TDRD1: variants seen among roughly 807,000 people sequenced by gnomAD.
TDRD1 encodes tudor domain containing 1, also known as tudor domain-containing protein 1.
In TDRD1, 37 loss-of-function variants were observed where a neutral mutation model predicts 140.6. The ratio of observed to expected loss-of-function variants is 0.26; its 90% CI spans 0.20 to 0.35. The LOEUF (loss-of-function observed/expected upper bound fraction) is 0.35, where lower values mean the gene tolerates loss of function less well. Ranked by LOEUF, TDRD1 falls within the 10% of genes least tolerant of loss-of-function variation. The pLI is 1.00. For synonymous variants in TDRD1, 506 were observed against 475.7 expected (o/e 1.06, Z -0.83); for missense variants, 1,243 against 1,393.0 (o/e 0.89, Z 1.71).
intron 8 of TDRD1, among the ~76,000 whole-genome samples, 174 bp from the exon 9 acceptor site, chr10:114,203,899 G>C (rs1339236444): frequency 6.6e-6 from 1 of 152,206 alleles, no homozygotes; most frequent in Non-Finnish European, 1.5e-5. Context: ...GTCCTAACTA[G>C]ACAATTTTAG....
intron 25 of TDRD1, among the ~76,000 whole-genome samples, chr10:114,230,837 G>C (rs747721152): frequency 3.3e-5 from 5 of 152,126 alleles, no homozygotes; most frequent in Non-Finnish European, 7.4e-5. Flanking sequence ...GCTGAGGAGG[G>C]CAGGTCACAT....
At chr10:114,201,147 C>T (rs1057136077) in intron 4 of TDRD1, among the ~76,000 whole-genome samples, 1 of 152,102 alleles carries the variant, frequency 6.6e-6, no homozygotes, top group Non-Finnish European at 1.5e-5. Flanking sequence ...TGAGCCACTG[C>T]ACCTGGCCGC....
At chr10:114,175,951 A>G (rs2032686014), upstream of TDRD1, among the ~76,000 whole-genome samples, 1 of 152,194 alleles carries the variant, frequency 6.6e-6, no homozygotes. Flanking sequence ...ACTGAATGTC[A>G]ATCAAATAGT....
Position 114,206,259 on chromosome 10 carries a change from A to G in TDRD1, c.1313A>G (p.His438Arg), listed in dbSNP as rs140083082. 25 of 1,613,428 alleles carry G rather than the reference A, an allele frequency of 1.5e-5. No individual in the cohort carries two copies. The highest frequency in any genetic ancestry group is 2.2e-5 in the South Asian group (2 of 91,050). ...CACTTTTTAGGAAAACTTTTAGACC[A>G]TGTGCTTATAGAAATGGGATATGGC... The change falls in exon 11 of 26, where the codon CAT (histidine) becomes CGT (arginine). Residue 438 changes from histidine (H) to arginine (R), a missense_variant. By Grantham distance (29) the His-to-Arg change is conservative. Transcript: ENST00000251864.
chr10:114,182,289 G>C (rs1188310654), intron 1 of TDRD1, among the ~76,000 whole-genome samples: 1 of 152,210 alleles, frequency 6.6e-6, no homozygotes, highest in Non-Finnish European at 1.5e-5. Context: ...CGAATGAAAG[G>C]AAACAAGAAG....
chr10:114,180,156 G>A (rs1419743623), intron 1 of TDRD1: 3 of 152,168 alleles, frequency 2.0e-5, no homozygotes, highest in African/African-American at 7.2e-5. Context: ...GGTTCCACAG[G>A]AATGGAAGAA....
In TDRD1 at chr10:114,188,028, A is replaced by G. The variant is rs1337738117; in HGVS notation, c.197A>G (p.Asn66Ser). The G allele has an allele frequency of 6.8e-6, 11 of 1,614,022 alleles. No individual in the cohort carries two copies. The Admixed American group carries it at 1.8e-4, about 27-fold the overall frequency. The change falls in exon 2 of 26, where the codon AAT becomes AGT. Residue 66 changes from asparagine to serine, a missense_variant. Physicochemically the swap from Asn to Ser is conservative, Grantham distance 46 (BLOSUM62 1). This residue lies in a region of TDRD1 where 237 missense variants were observed against 215.5 expected (regional missense o/e 1.10). Coordinates refer to ENST00000251864, the Ensembl canonical transcript of TDRD1. ...TCAGAGAATGGAAATAAAAAGAACA[A>G]TTTTTTGCTTTGTGAGCAAACCAAA... is the stretch of plus-strand genomic sequence containing the variant.
upstream of TDRD1, among the ~76,000 whole-genome samples, chr10:114,176,288 TG>T (rs1403787791): frequency 4.9e-5 from 7 of 143,978 alleles, no homozygotes; most frequent in African/African-American, 1.8e-4. This position sits in a 1 kb window ranked among gnomAD's most constrained non-coding sequence, Gnocchi z 4.2. Flanking sequence ...CAAAATTGAA[TG>T]GAAAAAAAAA....
rs1388534565 is a variant in TDRD1, at chr10:114,216,062, G to T, written c.2213-1483G>T. Among the ~76,000 whole-genome samples, 7 of 152,000 alleles carry T rather than the reference G, an allele frequency of 4.6e-5. No homozygotes were observed. In the East Asian group the frequency reaches 1.4e-3, roughly 29 times the overall value. ...AGTTTTTATTTTGGAATAATTTTAG[G>T]TATACAGAAAGTCACAAAGATGGTA... On this transcript the variant is annotated intron_variant, in intron 16 of 25. Transcript: ENST00000251864.
At chr10:114,178,003 T>G (rs181793264), upstream of TDRD1, among the ~76,000 whole-genome samples, 2 of 151,910 alleles carry the variant, frequency 1.3e-5, no homozygotes, top group East Asian at 3.9e-4. Flanking sequence ...CAGCTAATTT[T>G]TTTTTATTTT....
intron 1 of TDRD1, chr10:114,180,183 A>G (rs1477295771): frequency 6.6e-6 from 1 of 152,188 alleles, no homozygotes; most frequent in African/African-American, 2.4e-5. Flanking sequence ...TGCTTGTAGG[A>G]GTGGTATAAA....
rs77831231 is a variant in TDRD1 at position 114,202,382 on chromosome 10, G to A, written c.696+84G>A. On this transcript the variant is annotated intron_variant, in intron 6 of 25. Transcript: ENST00000251864. Reference sequence around the variant, plus strand: ...AGATAAATATTTTAGGCTTATTTCTGTATTTTATCAATATTTAAAGGCAAG... The same window carrying A: ...AGATAAATATTTTAGGCTTATTTCTATATTTTATCAATATTTAAAGGCAAG... 1.1e-3 allele frequency: 1,079 copies of A among 951,518 alleles called. 15 individuals are homozygous for A. The East Asian group carries it at 0.024, about 21-fold the overall frequency. 58.9% of individuals were successfully genotyped at this position (951,518 alleles called of 1,614,324 possible).
At chr10:114,197,366 G>GT (rs1309760924) in intron 3 of TDRD1, among the ~76,000 whole-genome samples, 1 of 151,976 alleles carries the variant, frequency 6.6e-6, no homozygotes, top group Non-Finnish European at 1.5e-5. Flanking sequence ...CTGCTATTGT[G>GT]TTTTGTATTT....
chr10:114,212,521 T>C (rs2035553478), intron 14 of TDRD1, among the ~76,000 whole-genome samples: 1 of 152,200 alleles, frequency 6.6e-6, no homozygotes, highest in Admixed American at 6.5e-5. Flanking sequence ...TCTATATTAT[T>C]TCATCCTGGC....
exon 23 of TDRD1, chr10:114,227,131 A>G (rs766766133): frequency 2.5e-6 from 4 of 1,604,194 alleles, no homozygotes; most frequent in Non-Finnish European, 3.4e-6. Context: ...AAAAAATTTC[A>G]TGTTGAATCA....
In TDRD1 at chr10:114,227,305, C is replaced by A; in HGVS notation, c.3403+6C>A. 2 of 1,578,358 alleles carry A rather than the reference C, an allele frequency of 1.3e-6. No individual in the cohort carries two copies. The highest frequency in any genetic ancestry group is 1.7e-6 in the Non-Finnish European group (2 of 1,148,026). ...GCAGAGTGCTTTAAATACAGGTATT[C>A]TTTTCAAGTGTTATTAATAACAGAT... On this transcript the variant is annotated splice_donor_region_variant and intron_variant, in intron 23 of 25. Transcript: ENST00000251864.
At chr10:114,214,750 T>TTC (rs1464046867) in intron 16 of TDRD1, among the ~76,000 whole-genome samples, 1 of 151,740 alleles carries the variant, frequency 6.6e-6, no homozygotes, top group Non-Finnish European at 1.5e-5. Flanking sequence ...TTTTTTTTTT[T>TTC]TCATTGAGAT....
In TDRD1 at chr10:114,228,024, T is replaced by C. The variant is rs1441191552; in HGVS notation, c.3451-14T>C. The C allele has an allele frequency of 6.2e-7, 1 of 1,610,042 alleles. No homozygotes were observed. Among genetic ancestry groups the C allele is most frequent in the South Asian group, 1.1e-5 (1 of 89,986 alleles). On this transcript the variant is annotated splice_polypyrimidine_tract_variant and intron_variant, in intron 24 of 25. Transcript: ENST00000251864. Reference sequence around the variant, plus strand: ...TTTAGAAATTAAATCATATGGTTTCTTTTTCACCCACAGGTTGAAAAACAT... The same window carrying C: ...TTTAGAAATTAAATCATATGGTTTCCTTTTCACCCACAGGTTGAAAAACAT...
chr10:114,219,983 A>C (rs2036044267), intron 18 of TDRD1, among the ~76,000 whole-genome samples: 1 of 152,198 alleles, frequency 6.6e-6, no homozygotes, highest in South Asian at 2.1e-4. Context: ...ACTTGTTAAT[A>C]ACTGCAGATT....
Sources: gnomAD v4.1 joint callset for allele counts (sites outside exome capture counted in the v4.1 genomes callset) on GRCh38, gnomAD v4.1.1 for gene constraint, gnomAD v4.1.1 regional missense constraint, Gnocchi (gnomAD v3.1) non-coding constraint, MANE v1.5 for transcripts, NCBI Gene and HGNC (gene_info 2026-07-23, HGNC 2026-07-21) for gene names.